The following OLFM1 variants were observed in gnomAD, a reference collection of about 807,000 sequenced individuals.
The protein encoded by OLFM1 is olfactomedin 1.
In OLFM1, 9 loss-of-function variants were observed where a neutral mutation model predicts 49.7. The ratio of observed to expected loss-of-function variants is 0.18; its 90% CI spans 0.11 to 0.32. The LOEUF is 0.32. OLFM1 is among the 10% of genes least tolerant of loss of function. OLFM1 has a pLI of 1.00. For missense variants in OLFM1, 369 were observed against 661.8 expected, an observed-to-expected ratio of 0.56 and a Z score of 4.85; for synonymous variants, 240 against 271.8, an observed-to-expected ratio of 0.88 and a Z score of 1.15.
At chr9:135,084,969 G>A (rs934362840), upstream of OLFM1, among the ~76,000 whole-genome samples, 3 of 152,156 alleles carry the variant, frequency 2.0e-5, no homozygotes, top group Admixed American at 6.5e-5. The surrounding 1 kb of genome is among the most constrained non-coding windows in gnomAD (Gnocchi z 4.6). Flanking sequence ...ACGTGTGTCC[G>A]CCTCTTGTAA....
chr9:135,116,878 A>AG (rs1370066602), intron 5 of OLFM1, among the ~76,000 whole-genome samples: 2 of 90,568 alleles, frequency 2.2e-5, no homozygotes, highest in Non-Finnish European at 6.2e-5. Context: ...GGCCCAGCTG[A>AG]AAAAAAAAAA....
At position 135,099,858 on chromosome 9, in the gene OLFM1, C is replaced by T. The variant is rs1830847164; in HGVS notation, c.676+1353C>T. On this transcript the variant is annotated intron_variant, in intron 4 of 5. Transcript: ENST00000371793. ...CCTCTACCATGGCTTCCCAATTTGA[C>T]TTTCTAGGAGTTGGTGTGAGTGTTT... Among the ~76,000 whole-genome samples, 4 of 152,062 alleles carry T rather than the reference C, an allele frequency of 2.6e-5. No homozygotes were observed. In the South Asian group the frequency reaches 8.3e-4, roughly 31 times the overall value.
At position 135,088,137 on chromosome 9, in the gene OLFM1, G is replaced by C. The variant is rs1230662560; in HGVS notation, c.148G>C (p.Gly50Arg). 7.4e-7 allele frequency: 1 copy of C among 1,343,668 alleles called. No individual in the cohort carries two copies. The highest frequency in any genetic ancestry group is 9.7e-7 in the Non-Finnish European group (1 of 1,033,806). 83.2% of individuals were successfully genotyped at this position (1,343,668 alleles called of 1,614,324 possible). The change falls in exon 1 of 6, where the codon GGC (glycine) becomes CGC (arginine). Residue 50 changes from glycine to arginine, a missense_variant and splice_region_variant. Coordinates refer to ENST00000371793, the MANE Select transcript of OLFM1 (RefSeq NM_001282611.2). The surrounding 1 kb of genome is among the most constrained non-coding windows in gnomAD (Gnocchi z 4.8). ...CGGCGGGACGCTGGACCGCAGCACC[G>C]GCGTAAGTGCGCCCGCCGGCCGCCT... ...AGGGTLDRST[G>R]VLPTNPEESW...
rs1191071418 is a variant in OLFM1 at position 135,090,192 on chromosome 9, C to T, written c.151-3C>T. ...TCTCCCTTCCCGCCCCGCCCCTCTC[C>T]AGGTGCTGCCCACCAACCCTGAGGA... On this transcript the variant is annotated splice_region_variant and splice_polypyrimidine_tract_variant and intron_variant, in intron 1 of 5. Coordinates refer to ENST00000371793, the MANE Select transcript of OLFM1 (RefSeq NM_001282611.2). The T allele has an allele frequency of 6.2e-7, 1 of 1,605,680 alleles. No individual in the cohort carries two copies. The highest frequency in any genetic ancestry group is 8.5e-7 in the Non-Finnish European group (1 of 1,173,506).
In OLFM1 at chr9:135,106,858, G is replaced by A. The variant is rs576719893; in HGVS notation, c.783+3G>A. 1 of 1,604,540 alleles carries A rather than the reference G, an allele frequency of 6.2e-7. No individual in the cohort carries two copies. Among genetic ancestry groups the A allele is most frequent in the Admixed American group, 1.7e-5 (1 of 59,232 alleles). On this transcript the variant is annotated splice_donor_region_variant and intron_variant, in intron 5 of 5. Coordinates refer to ENST00000371793, the MANE Select transcript of OLFM1 (RefSeq NM_001282611.2). ...TCGCCCCTGAAGGCGATAACCGGGT[G>A]AGTGTCCCCTTATGTCATAGGGGGT...
At chr9:135,110,852 A>C (rs1831011945) in intron 5 of OLFM1, among the ~76,000 whole-genome samples, 1 of 152,200 alleles carries the variant, frequency 6.6e-6, no homozygotes, top group Non-Finnish European at 1.5e-5. Flanking sequence ...TGTCAGGACG[A>C]CATGTGACAG....
At position 135,082,369 on chromosome 9, in the gene OLFM1, G is replaced by A. The variant is rs113805463; in HGVS notation, c.96+6567G>A. On this transcript the variant is annotated intron_variant, in intron 1 of 5. Coordinates refer to the OLFM1 transcript ENST00000252854. The stretch of plus-strand genomic sequence containing the variant: ...CTTCGGGGAGTTTAAACCCTGCCGC[G>A]GGGATTTCCCTACCATACAAAATGG... Among the ~76,000 whole-genome samples the A allele has an allele frequency of 4.4e-3, 659 of 149,576 alleles. 5 individuals are homozygous for A. Among genetic ancestry groups the A allele is most frequent in the African/African-American group, 0.015 (617 of 40,418 alleles).
chr9:135,114,956 TCCAAGCCCC>T (rs1364862452), intron 5 of OLFM1, among the ~76,000 whole-genome samples: 3 of 152,010 alleles, frequency 2.0e-5, no homozygotes, highest in Non-Finnish European at 4.4e-5. Context: ...GCTGATGTCA[TCCAAGCCCC>T]CCACCCACCC....
At chr9:135,099,896 G>T (rs1181021221) in intron 4 of OLFM1, among the ~76,000 whole-genome samples, 1 of 152,132 alleles carries the variant, frequency 6.6e-6, no homozygotes, top group Non-Finnish European at 1.5e-5. Context: ...CTTTCTAGGA[G>T]TTGGTGTGAA....
intron 3 of OLFM1, chr9:135,097,980 A>C: frequency 7.0e-7 from 1 of 1,428,418 alleles, no homozygotes; most frequent in Non-Finnish European, 9.1e-7. Context: ...CATTTCATGA[A>C]TAGTTTGAAC....
chr9:135,079,194 C>T (rs113023050), intron 1 of OLFM1, among the ~76,000 whole-genome samples: 8 of 152,296 alleles, frequency 5.3e-5, no homozygotes, highest in African/African-American at 1.2e-4. Flanking sequence ...AAAGAAGTGT[C>T]TGCACCGAGT....
intron 4 of OLFM1, among the ~76,000 whole-genome samples, chr9:135,099,852 ATTTGACTTTCTAGGAGTTGGTGTGAGTG>A (rs1002564169): frequency 4.5e-4 from 68 of 152,244 alleles, no homozygotes; most frequent in Admixed American, 1.2e-3. Context: ...TGGCTTCCCA[ATTTGACTTTCTAGGAGTTGGTGTGAGTG>A]TTTGACTTTC....
At chr9:135,076,885 T>C in intron 1 of OLFM1, 3 of 1,550,624 alleles carry the variant, frequency 1.9e-6, no homozygotes, top group South Asian at 1.2e-5. Context: ...GAGAAGACAC[T>C]GAACGAGCTT....
At position 135,113,945 on chromosome 9, in the gene OLFM1, C is replaced by G. The variant is rs1039688158; in HGVS notation, c.784-5559C>G. On this transcript the variant is annotated intron_variant, in intron 5 of 5. Coordinates refer to ENST00000371793, the MANE Select transcript of OLFM1 (RefSeq NM_001282611.2). This position sits in a 1 kb window ranked among gnomAD's most constrained non-coding sequence, Gnocchi z 4.0. ...CGCTCTGAAGATGCCAGGGGAGGACCCTCCTGCCTCGTCTCGTGGCTCCAT... is the reference window on the plus strand; with the variant it reads ...CGCTCTGAAGATGCCAGGGGAGGACGCTCCTGCCTCGTCTCGTGGCTCCAT... 3.9e-5 allele frequency among the ~76,000 whole-genome samples: 6 copies of G among 152,064 alleles called. No individual in the cohort carries two copies. Among genetic ancestry groups the G allele is most frequent in the Non-Finnish European group, 8.8e-5 (6 of 68,000 alleles).
intron 1 of OLFM1, among the ~76,000 whole-genome samples, chr9:135,077,875 C>T (rs186324584): frequency 4.6e-5 from 7 of 152,340 alleles, no homozygotes; most frequent in South Asian, 2.1e-4. Flanking sequence ...GGTGAAATCA[C>T]GTCAACGTTT....
intron 1 of OLFM1, among the ~76,000 whole-genome samples, chr9:135,089,830 C>T (rs898147587): frequency 7.2e-5 from 11 of 152,212 alleles, no homozygotes; most frequent in African/African-American, 2.4e-4. Context: ...CCAGCGTTTG[C>T]TTTCCTGCCT....
intron 2 of OLFM1, 116 bp downstream of exon 2, chr9:135,090,460 A>G (rs1830669866): frequency 1.9e-6 from 2 of 1,051,308 alleles, no homozygotes; most frequent in Non-Finnish European, 1.4e-6. Context: ...TGCAGGCCCC[A>G]TTTTGACTCT....
At chr9:135,109,342 G>A (rs532561648) in intron 5 of OLFM1, among the ~76,000 whole-genome samples, 4 of 152,332 alleles carry the variant, frequency 2.6e-5, no homozygotes, top group Admixed American at 6.5e-5. Flanking sequence ...CAAAGCTGTC[G>A]CGGTGCTGAT....
chr9:135,091,879 A>T (rs1432278816), intron 2 of OLFM1, among the ~76,000 whole-genome samples: 1 of 100,660 alleles, frequency 9.9e-6, no homozygotes, highest in Admixed American at 1.2e-4. Context: ...ACACAGTCAC[A>T]CACACACTCA....
Sources: gnomAD v4.1 joint callset for allele counts (sites outside exome capture counted in the v4.1 genomes callset) on GRCh38, gnomAD v4.1.1 for gene constraint, Gnocchi (gnomAD v3.1) non-coding constraint, MANE v1.5 for transcripts, NCBI Gene and HGNC (gene_info 2026-07-23, HGNC 2026-07-21) for gene names.